NRXN3: variants seen among roughly 807,000 people sequenced by gnomAD.
NRXN3 encodes neurexin III.
In NRXN3, 32 loss-of-function variants were observed where a neutral mutation model predicts 137.6. The observed-to-expected ratio is 0.23, with a 90% confidence interval of 0.18 to 0.31. The LOEUF (loss-of-function observed/expected upper bound fraction) is 0.31, where lower values mean the gene tolerates loss of function less well. Ranked by LOEUF, NRXN3 falls within the 10% of genes least tolerant of loss-of-function variation. The pLI, the probability that NRXN3 is intolerant of heterozygous loss-of-function variation, is 1.00. For missense variants in NRXN3, 1,574 were observed against 2,062.5 expected (o/e 0.76, Z 4.59); for synonymous variants, 798 against 784.5 (o/e 1.02, Z -0.29).
chr14:78,264,931 C>A (rs2071436538), intron 2 of NRXN3, among the ~76,000 whole-genome samples: 1 of 152,112 alleles, frequency 6.6e-6, no homozygotes, highest in Non-Finnish European at 1.5e-5. Flanking sequence ...GTTTAAGACC[C>A]CACTGTGTGA....
intron 4 of NRXN3, among the ~76,000 whole-genome samples, chr14:78,324,753 T>A (rs2079837253): frequency 1.3e-5 from 2 of 152,042 alleles, no homozygotes; most frequent in Non-Finnish European, 2.9e-5. Context: ...TGGCCTGAAA[T>A]CTTGCCTGAG....
At chr14:78,944,654 G>A (rs1161455985) in intron 10 of NRXN3, among the ~76,000 whole-genome samples, 1 of 152,166 alleles carries the variant, frequency 6.6e-6, no homozygotes, top group Admixed American at 6.5e-5. Flanking sequence ...ATCAAGGATT[G>A]CAGGAAACCC....
intron 15 of NRXN3, among the ~76,000 whole-genome samples, chr14:79,124,423 A>G (rs1369281559): frequency 6.6e-6 from 1 of 152,162 alleles, no homozygotes; most frequent in Non-Finnish European, 1.5e-5. Context: ...TTATTATTTA[A>G]TCTCTGACAG....
At chr14:79,254,552 C>T (rs2076332504) in intron 15 of NRXN3, among the ~76,000 whole-genome samples, 1 of 152,178 alleles carries the variant, frequency 6.6e-6, no homozygotes, top group South Asian at 2.1e-4. Context: ...GCTTTGCTCA[C>T]TTATGTTGAC....
At chr14:79,643,432 C>T (rs1239294748) in intron 16 of NRXN3, among the ~76,000 whole-genome samples, 1 of 134,676 alleles carries the variant, frequency 7.4e-6, no homozygotes, top group Admixed American at 7.9e-5. Context: ...TATAATTCCT[C>T]TCCTCTGCTT....
chr14:79,613,461 G>A (rs1205011480), intron 16 of NRXN3, among the ~76,000 whole-genome samples: 2 of 152,164 alleles, frequency 1.3e-5, no homozygotes, highest in South Asian at 2.1e-4. Flanking sequence ...TACACTTCCA[G>A]CTCCTCAGAC....
At chr14:79,019,445 T>G (rs1272725130) in intron 15 of NRXN3, among the ~76,000 whole-genome samples, 2 of 152,142 alleles carry the variant, frequency 1.3e-5, no homozygotes, top group Non-Finnish European at 2.9e-5. Context: ...TCATGAAAGA[T>G]AGTGATAAGG....
chr14:79,123,795 A>ATCCAC (rs2055904732), intron 15 of NRXN3, among the ~76,000 whole-genome samples: 2 of 152,222 alleles, frequency 1.3e-5, no homozygotes, highest in African/African-American at 4.8e-5. Flanking sequence ...TGTATACATG[A>ATCCAC]ATAAGCAGAG....
At chr14:78,518,545 C>G (rs2096244201) in intron 4 of NRXN3, among the ~76,000 whole-genome samples, 1 of 152,106 alleles carries the variant, frequency 6.6e-6, no homozygotes, top group Admixed American at 6.5e-5. Flanking sequence ...CATGAACTGT[C>G]AAAACCTCTG....
At chr14:78,792,350 G>A (rs114316629) in intron 8 of NRXN3, among the ~76,000 whole-genome samples, 1 of 135,196 alleles carries the variant, frequency 7.4e-6, no homozygotes, top group Non-Finnish European at 1.6e-5. Context: ...GGGTGGAAAA[G>A]ATATGGCTAA....
intron 8 of NRXN3, among the ~76,000 whole-genome samples, chr14:78,725,002 G>C (rs1357757293): frequency 6.6e-6 from 1 of 152,142 alleles, no homozygotes; most frequent in African/African-American, 2.4e-5. Flanking sequence ...TCTTGGAGAA[G>C]ATCATTTCAT....
intron 10 of NRXN3, among the ~76,000 whole-genome samples, chr14:78,845,566 A>G (rs2099024220): frequency 6.6e-6 from 1 of 152,012 alleles, no homozygotes; most frequent in Non-Finnish European, 1.5e-5. Flanking sequence ...TATAGAAAGA[A>G]TGTTGACCTC....
intron 19 of NRXN3, 123 bp from the exon 20 acceptor site, chr14:79,804,989 T>C (rs1216739674): frequency 8.9e-6 from 6 of 674,698 alleles, no homozygotes; most frequent in Non-Finnish European, 1.5e-5. Context: ...TCTAGAAAAA[T>C]AATCGTAATG....
intron 4 of NRXN3, among the ~76,000 whole-genome samples, chr14:78,360,221 C>A (rs2084916237): frequency 6.6e-6 from 1 of 152,104 alleles, no homozygotes; most frequent in Non-Finnish European, 1.5e-5. Context: ...AATGACTTTT[C>A]CACCTTCTTA....
At chr14:79,839,108 C>T (rs1465281462) in intron 20 of NRXN3, among the ~76,000 whole-genome samples, 2 of 151,990 alleles carry the variant, frequency 1.3e-5, no homozygotes, top group African/African-American at 4.8e-5. Flanking sequence ...TCAACATTTC[C>T]TTCTTTCTAG....
At chr14:78,525,778 T>G (rs1385771110) in intron 4 of NRXN3, among the ~76,000 whole-genome samples, 2 of 152,192 alleles carry the variant, frequency 1.3e-5, no homozygotes, top group African/African-American at 4.8e-5. Context: ...ATGGCATTTC[T>G]CCTGGTTTTG....
At chr14:79,702,007 C>T (rs912025749) in intron 19 of NRXN3, among the ~76,000 whole-genome samples, 7 of 151,978 alleles carry the variant, frequency 4.6e-5, no homozygotes, top group Non-Finnish European at 1.0e-4. Flanking sequence ...CAAATATCTG[C>T]CTCAGAAAAT....
At chr14:78,953,916 T>C (rs1380712851) in intron 10 of NRXN3, among the ~76,000 whole-genome samples, 1 of 152,194 alleles carries the variant, frequency 6.6e-6, no homozygotes, top group Admixed American at 6.5e-5. Flanking sequence ...TTCTCACTAG[T>C]TTCATTTTAA....
intron 10 of NRXN3, among the ~76,000 whole-genome samples, chr14:78,886,582 CAT>C (rs2099144481): frequency 6.6e-6 from 1 of 151,882 alleles, no homozygotes; most frequent in African/African-American, 2.4e-5. Context: ...GAATCAAAGA[CAT>C]ATTTAACCTT....
Sources: allele counts gnomAD v4.1 joint callset (sites outside exome capture counted in the v4.1 genomes callset), GRCh38; gene constraint gnomAD v4.1.1; transcripts MANE v1.5; gene names NCBI Gene and HGNC (gene_info 2026-07-23, HGNC 2026-07-21).